The following MYO1D variants were observed in gnomAD, a reference collection of about 807,000 sequenced individuals.
MYO1D encodes unconventional myosin-Id.
Under a neutral mutation model 122.0 loss-of-function variants are expected in MYO1D, and 83 were observed. The observed-to-expected ratio is 0.68, with a 90% CI of 0.57 to 0.82. The LOEUF is 0.82. MYO1D is among the 40% of genes least tolerant of loss of function. MYO1D has a pLI of 0.00. For missense variants in MYO1D, 1,157 were observed against 1,269.5 expected (o/e 0.91, Z 1.35); for synonymous variants, 464 against 446.9 (o/e 1.04, Z -0.48).
At chr17:32,772,173 ATATATCATAC>A (rs1402885667) in intron 5 of MYO1D, among the ~76,000 whole-genome samples, 1 of 152,194 alleles carries the variant, frequency 6.6e-6, no homozygotes, top group Non-Finnish European at 1.5e-5. Flanking sequence ...ACTTACAATA[ATATATCATAC>A]TTGTTTTCTA....
chr17:32,523,051 G>A (rs1052882769), intron 21 of MYO1D, among the ~76,000 whole-genome samples: 1 of 152,142 alleles, frequency 6.6e-6, no homozygotes, highest in Non-Finnish European at 1.5e-5. Flanking sequence ...TCCTGACCTT[G>A]TGATCTGCCC....
intron 20 of MYO1D, among the ~76,000 whole-genome samples, chr17:32,619,179 T>C (rs867040732): frequency 1.1e-4 from 17 of 152,202 alleles, no homozygotes; most frequent in Non-Finnish European, 2.5e-4. Context: ...CCAAGCCATC[T>C]AGTGGAACTG....
chr17:32,731,873 G>A (rs2089643366), intron 14 of MYO1D, among the ~76,000 whole-genome samples: 1 of 152,204 alleles, frequency 6.6e-6, no homozygotes, highest in East Asian at 1.9e-4. Flanking sequence ...AGCCATGGCT[G>A]TAGACCTGGG....
intron 1 of MYO1D, among the ~76,000 whole-genome samples, chr17:32,793,193 C>A (rs78207698): frequency 0.019 from 2,920 of 151,724 alleles, 90 homozygotes; most frequent in African/African-American, 0.066. Flanking sequence ...GTACTTGGCA[C>A]ATGGACACTT....
chr17:32,575,560 T>A lies in MYO1D; in HGVS notation c.2864+29527A>T, dbSNP rs934555490. ...ATGGATACCCACCTTATTATCTTAGTCCTATCAGATGCATAGTGAGTTCTC... is the reference window on the plus strand; with the variant it reads ...ATGGATACCCACCTTATTATCTTAGACCTATCAGATGCATAGTGAGTTCTC... On this transcript the variant is annotated intron_variant, in intron 21 of 21. Coordinates refer to ENST00000318217, the MANE Select transcript of MYO1D (RefSeq NM_015194.3). 2.6e-5 allele frequency among the ~76,000 whole-genome samples: 4 copies of A among 152,228 alleles called. No individual in the cohort carries two copies. The East Asian group carries it at 7.7e-4, about 29-fold the overall frequency.
chr17:32,703,259 A>T (rs2089269339), intron 16 of MYO1D, among the ~76,000 whole-genome samples: 1 of 152,134 alleles, frequency 6.6e-6, no homozygotes, highest in Non-Finnish European at 1.5e-5. Context: ...CAAATCCCCC[A>T]AATAAAAACA....
chr17:32,594,991 T>C (rs1233127021), intron 21 of MYO1D, among the ~76,000 whole-genome samples: 2 of 152,226 alleles, frequency 1.3e-5, no homozygotes, highest in African/African-American at 4.8e-5. Context: ...GCATTCAACA[T>C]ACTCATGGCT....
intron 1 of MYO1D, among the ~76,000 whole-genome samples, chr17:32,835,177 T>C (rs905315697): frequency 5.3e-5 from 8 of 151,854 alleles, no homozygotes; most frequent in South Asian, 2.1e-4. Context: ...TTTTTTTTTT[T>C]GGTTTTGTGT....
At chr17:32,623,156 G>A (rs1175612846) in intron 20 of MYO1D, among the ~76,000 whole-genome samples, 4 of 152,146 alleles carry the variant, frequency 2.6e-5, no homozygotes, top group Non-Finnish European at 1.5e-5. Flanking sequence ...AGGACCCTGA[G>A]CCTGTCAACT....
Position 32,522,090 on chromosome 17 carries a change from A to G in MYO1D, c.2865-27175T>C, listed in dbSNP as rs977278816. Among the ~76,000 whole-genome samples, 841 of 150,756 alleles carry G rather than the reference A, an allele frequency of 5.6e-3. 4 individuals carry two copies. Among genetic ancestry groups the G allele is most frequent in the Non-Finnish European group, 7.7e-3 (521 of 67,648 alleles). On this transcript the variant is annotated intron_variant, in intron 21 of 21. Coordinates refer to ENST00000318217, the MANE Select transcript of MYO1D (RefSeq NM_015194.3). The stretch of plus-strand genomic sequence containing the variant: ...GAGTGAGACTCTGTCTCAAAAAAAA[A>G]AAAAAAAAAAAAAAAAGCAAAACTC...
At chr17:32,721,733 A>G (rs4338835) in intron 14 of MYO1D, among the ~76,000 whole-genome samples, 82,230 of 152,016 alleles carry the variant, frequency 0.54, 23,315 homozygotes, top group East Asian at 0.73. Context: ...AAGTAGAGAA[A>G]TTCCAAAACC....
At chr17:32,793,099 G>A (rs958634181) in intron 1 of MYO1D, among the ~76,000 whole-genome samples, 1 of 152,020 alleles carries the variant, frequency 6.6e-6, no homozygotes, top group African/African-American at 2.4e-5. Flanking sequence ...TTAACACACT[G>A]AAGCCTAGAA....
intron 14 of MYO1D, among the ~76,000 whole-genome samples, chr17:32,723,581 T>G (rs2089537335): frequency 6.6e-6 from 1 of 152,114 alleles, no homozygotes; most frequent in South Asian, 2.1e-4. Flanking sequence ...CTTTAACCAG[T>G]AGAATGCAGC....
intron 14 of MYO1D, among the ~76,000 whole-genome samples, chr17:32,726,549 G>A (rs2089575680): frequency 6.7e-6 from 1 of 149,950 alleles, no homozygotes. Context: ...AGATATAATA[G>A]ATGTAAATTA....
rs1442024876 is a variant in MYO1D, at chr17:32,828,602, C to A, written c.96-47818G>T. 2.6e-5 allele frequency among the ~76,000 whole-genome samples: 4 copies of A among 151,570 alleles called. No individual in the cohort carries two copies. The East Asian group carries it at 7.8e-4, about 29-fold the overall frequency. On this transcript the variant is annotated intron_variant, in intron 1 of 21. Coordinates refer to ENST00000318217, the MANE Select transcript of MYO1D (RefSeq NM_015194.3). ...CAAGCAGAGAATGAGCAGGCTCTGG[C>A]CAAGTATGCCAGGTTCCAAATGTTC...
intron 1 of MYO1D, among the ~76,000 whole-genome samples, chr17:32,834,795 C>G (rs933831150): frequency 6.6e-6 from 1 of 152,232 alleles, no homozygotes; most frequent in African/African-American, 2.4e-5. Context: ...GGGCAGATCA[C>G]AAGGTCAAGA....
rs761084897 is a variant in MYO1D, at chr17:32,772,793, T to C, written c.614A>G (p.Tyr205Cys). 3 of 1,608,482 alleles carry C rather than the reference T, an allele frequency of 1.9e-6. No individual in the cohort carries two copies. The highest frequency in any genetic ancestry group is 1.7e-5 in the Admixed American group (1 of 59,992). Residue 205 changes from tyrosine (Y) to cysteine (C), a missense_variant, in exon 5 of 22, where the codon TAT becomes TGT. Physicochemically the swap from Tyr to Cys is radical, Grantham distance 194. Transcript: ENST00000318217. Reference protein sequence around the residue: ...QPGERSFHSFYQLLQGGSEQM... With the variant: ...QPGERSFHSFCQLLQGGSEQM... ...TCTGTATAATGGATTACTAACCTGA[T>C]AGAAAGAATGAAAGCTTCTTTCTCC...
intron 1 of MYO1D, among the ~76,000 whole-genome samples, chr17:32,812,886 T>C (rs575143601): frequency 6.6e-6 from 1 of 152,340 alleles, no homozygotes; most frequent in African/African-American, 2.4e-5. Flanking sequence ...ACTTTATATG[T>C]ATAGGCCATT....
At chr17:32,653,523 T>C (rs1440838375) in intron 19 of MYO1D, among the ~76,000 whole-genome samples, 1 of 148,478 alleles carries the variant, frequency 6.7e-6, no homozygotes, top group Admixed American at 6.8e-5. Context: ...GGAGAATCAC[T>C]TGAACCTGGG....
Sources: gnomAD v4.1 joint callset for allele counts (sites outside exome capture counted in the v4.1 genomes callset) on GRCh38, gnomAD v4.1.1 for gene constraint, MANE v1.5 for transcripts, NCBI Gene and HGNC (gene_info 2026-07-23, HGNC 2026-07-21) for gene names.